TOP2B: variants seen among roughly 807,000 people sequenced by gnomAD.
TOP2B encodes the protein DNA topoisomerase 2-beta.
In TOP2B, 51 loss-of-function variants were observed where a neutral mutation model predicts 193.5. The ratio of observed to expected loss-of-function variants is 0.26; its 90% CI spans 0.21 to 0.33. The LOEUF (loss-of-function observed/expected upper bound fraction) is 0.33, where lower values mean the gene tolerates loss of function less well. Ranked by LOEUF, TOP2B falls within the 10% of genes least tolerant of loss-of-function variation. The probability of loss-of-function intolerance (pLI) is 1.00; values close to 1 mark genes in which losing one functional copy is unlikely to be tolerated. For missense variants in TOP2B, 1,378 were observed against 1,909.3 expected (o/e 0.72, Z 5.19); for synonymous variants, 634 against 635.7 (o/e 1.00, Z 0.04).
chr3:25,659,915 A>C (rs1703859719), intron 1 of TOP2B, among the ~76,000 whole-genome samples: 1 of 152,214 alleles, frequency 6.6e-6, no homozygotes, highest in Non-Finnish European at 1.5e-5. Context: ...TTTGTTACCT[A>C]ATCTCTAAAC....
At chr3:25,623,964 T>G (rs1702729982) in intron 20 of TOP2B, among the ~76,000 whole-genome samples, 1 of 152,212 alleles carries the variant, frequency 6.6e-6, no homozygotes, top group Non-Finnish European at 1.5e-5. Flanking sequence ...ATAGTCCTAT[T>G]TTACTTATGT....
At chr3:25,664,129 G>A (rs991686413) in intron 1 of TOP2B, 100 bp downstream of exon 1, 4 of 1,499,614 alleles carry the variant, frequency 2.7e-6, no homozygotes, top group African/African-American at 1.4e-5. Flanking sequence ...TTCGGGGGAC[G>A]GGATTTCCCT....
intron 33 of TOP2B, among the ~76,000 whole-genome samples, chr3:25,603,392 G>A (rs1177696440): frequency 2.6e-5 from 4 of 151,906 alleles, no homozygotes; most frequent in Non-Finnish European, 5.9e-5. Flanking sequence ...GCATGCATAC[G>A]CCACCACACC....
chr3:25,610,915 T>C lies in TOP2B; in HGVS notation c.3787-1203A>G, dbSNP rs569851912. Among the ~76,000 whole-genome samples the C allele has an allele frequency of 5.9e-5, 9 of 152,316 alleles. No homozygotes were observed. The South Asian group carries it at 1.7e-3, about 28-fold the overall frequency. On this transcript the variant is annotated intron_variant, in intron 28 of 35. Transcript: ENST00000264331. ...TAAGGGGGTGGATTTTGGAATTACT[T>C]AGTAGGCAGTCAATAGGACTTAGTT...
chr3:25,615,545 A>G lies in TOP2B; in HGVS notation c.3393T>C (p.Ser1131=). 6.3e-7 allele frequency: 1 copy of G among 1,575,030 alleles called. No individual in the cohort carries two copies. Among genetic ancestry groups the G allele is most frequent in the Non-Finnish European group, 8.6e-7 (1 of 1,160,138 alleles). The change falls in exon 26 of 36, where the codon AGT becomes AGC. Residue 1131 remains serine, a synonymous_variant. Transcript: ENST00000264331. The stretch of plus-strand genomic sequence containing the variant: ...CTGAAGGAGTTCCTGAATCGGAGGA[A>G]CTATCATCATGCTGGTTTTGTGTTT... ...EDETQNQHDD[S]SSDSGTPSGP...
Position 25,618,805 on chromosome 3 carries a change from C to T in TOP2B, c.3108G>A (p.Val1036=), listed in dbSNP as rs762676704. The part of the protein sequence containing the change: ...HMGCLKKYET[V]QDILKEFFDL... ...CAAAGAATTCTTTCAGAATGTCTTG[C>T]ACAGTTTCATATTTCTTCAGACATC... Residue 1036 remains valine, a synonymous_variant, in exon 24 of 36, where the codon GTG becomes GTA. Coordinates refer to ENST00000264331, the MANE Select transcript of TOP2B (RefSeq NM_001330700.2). 1 of 1,610,262 alleles carries T rather than the reference C, an allele frequency of 6.2e-7. No homozygotes were observed. The highest frequency in any genetic ancestry group is 1.3e-5 in the African/African-American group (1 of 74,976).
At chr3:25,663,562 G>A (rs1036188188) in intron 1 of TOP2B, among the ~76,000 whole-genome samples, 4 of 152,006 alleles carry the variant, frequency 2.6e-5, no homozygotes, top group Non-Finnish European at 4.4e-5. Flanking sequence ...ACCTCTCCAG[G>A]ACATCCATTC....
intron 1 of TOP2B, among the ~76,000 whole-genome samples, chr3:25,651,864 CAA>C (rs753903605): frequency 1.8e-4 from 16 of 89,954 alleles, no homozygotes; most frequent in Non-Finnish European, 2.1e-4. Flanking sequence ...GATTGTGTCT[CAA>C]AAAAAAAAAA....
chr3:25,640,644 T>C (rs991703904), intron 4 of TOP2B, among the ~76,000 whole-genome samples: 6 of 152,044 alleles, frequency 3.9e-5, no homozygotes, highest in Non-Finnish European at 2.9e-5. Context: ...TTACTAGAAT[T>C]ATGTTGAATT....
intron 15 of TOP2B, among the ~76,000 whole-genome samples, chr3:25,627,549 T>A (rs925900774): frequency 3.9e-5 from 6 of 152,000 alleles, no homozygotes; most frequent in Admixed American, 3.3e-4. Flanking sequence ...GATTTAACCA[T>A]CAGTTAACAG....
intron 34 of TOP2B, 53 bp downstream of exon 34, chr3:25,601,047 C>A: frequency 6.4e-7 from 1 of 1,562,500 alleles, no homozygotes; most frequent in South Asian, 1.2e-5. Context: ...AGAAAAAATT[C>A]AATCTTTTCC....
At position 25,664,566 on chromosome 3, in the gene TOP2B, G is replaced by GGCGGCGGCCGA. The variant is rs919071785; in HGVS notation, c.-280_-270dup. 1.2e-5 allele frequency: 13 copies of GGCGGCGGCCGA among 1,069,464 alleles called. No individual in the cohort carries two copies. In the African/African-American group the frequency reaches 2.2e-4, roughly 18 times the overall value. The allele number at this position is 1,069,464 out of a possible 1,614,324, so 66.2% of individuals were successfully genotyped here. A position where few individuals can be genotyped will look rare whatever the true frequency, so the allele number is the denominator to read the frequency against. On this transcript the variant is annotated 5_prime_UTR_variant, in exon 1 of 36. Coordinates refer to ENST00000264331, the MANE Select transcript of TOP2B (RefSeq NM_001330700.2). ...GCTGAGGAGAAAGCAGGGAGCGACC[G>GGCGGCGGCCGA]GCGGCGGCCGAGCGGCGGCGTTGCC...
intron 15 of TOP2B, among the ~76,000 whole-genome samples, chr3:25,628,171 TAAAAAA>T (rs11444499): frequency 3.8e-5 from 5 of 130,170 alleles, no homozygotes; most frequent in Admixed American, 2.3e-4. Flanking sequence ...TAACATTATT[TAAAAAA>T]AAAAAAAAAA....
Position 25,630,937 on chromosome 3 carries a change from G to A in TOP2B, c.1269C>T (p.Ala423=), listed in dbSNP as rs1259601492. 3.8e-6 allele frequency: 6 copies of A among 1,580,898 alleles called. No individual in the cohort carries two copies. Among genetic ancestry groups the A allele is most frequent in the Non-Finnish European group, 5.1e-6 (6 of 1,168,880 alleles). The change falls in exon 11 of 36, where the codon GCC becomes GCT. Residue 423 remains alanine, a splice_region_variant and synonymous_variant. Transcript: ENST00000264331. The part of the protein sequence containing the change: ...CQLSEKFFKA[A]SNCGIVESIL... Reference sequence around the variant, plus strand: ...TACTTTCTACAATGCCACAATTAGAGGCCTAAAAATAAAAGAATAATGGTA... The same window carrying A: ...TACTTTCTACAATGCCACAATTAGAAGCCTAAAAATAAAAGAATAATGGTA...
chr3:25,659,709 T>C (rs1703853764), intron 1 of TOP2B, among the ~76,000 whole-genome samples: 2 of 152,236 alleles, frequency 1.3e-5, no homozygotes, highest in Admixed American at 1.3e-4. Context: ...AATATACTCC[T>C]TAGCTTTTTG....
rs1229498309 is a variant in TOP2B at position 25,598,399 on chromosome 3, G to C, written c.4789C>G (p.Leu1597Val). 1.2e-6 allele frequency: 2 copies of C among 1,613,636 alleles called. No individual in the cohort carries two copies. The highest frequency in any genetic ancestry group is 8.5e-7 in the Non-Finnish European group (1 of 1,179,664). Residue 1597 changes from leucine (L) to valine (V), a missense_variant, in exon 36 of 36, where the codon CTG becomes GTG. Physicochemically the swap from Leu to Val is conservative, Grantham distance 32 (BLOSUM62 1). Transcript: ENST00000264331. Reference sequence around the variant, plus strand: ...TTCCTAGCCCGACCGGTTCGTGGCAGAGAAGGTGGCTCAGTAGGGAAGTCT... The same window carrying C: ...TTCCTAGCCCGACCGGTTCGTGGCACAGAAGGTGGCTCAGTAGGGAAGTCT... ...PSDFPTEPPSLPRTGRARKEV... is the reference protein window; with the variant it reads ...PSDFPTEPPSVPRTGRARKEV...
rs968420858 is a variant in TOP2B at position 25,636,039 on chromosome 3, T to C, written c.749A>G (p.Glu250Gly). Residue 250 changes from glutamate (E) to glycine (G), a missense_variant, in exon 7 of 36, where the codon GAA (glutamate) becomes GGA (glycine). Coordinates refer to ENST00000264331, the MANE Select transcript of TOP2B (RefSeq NM_001330700.2). ...GGCCACAATATCCTTGTCAAGTTTT[T>C]CCATCTTAAATTTGGACAGATCTGG... ...FQPDLSKFKM[E>G]KLDKDIVALM... 1 of 1,613,508 alleles carries C rather than the reference T, an allele frequency of 6.2e-7. No homozygotes were observed. The highest frequency in any genetic ancestry group is 8.5e-7 in the Non-Finnish European group (1 of 1,179,584).
intron 28 of TOP2B, 85 bp from the exon 29 acceptor site, chr3:25,609,797 C>T: frequency 1.5e-6 from 2 of 1,316,864 alleles, no homozygotes; most frequent in South Asian, 3.5e-5. Context: ...CAGATAGCGC[C>T]TTCAAATCAG....
At chr3:25,600,628 AGGG>A (rs1702067001) in intron 34 of TOP2B, among the ~76,000 whole-genome samples, 1 of 152,226 alleles carries the variant, frequency 6.6e-6, no homozygotes, top group Non-Finnish European at 1.5e-5. Context: ...AACATCTTCA[AGGG>A]CTTTCCAGAT....
Sources: gnomAD v4.1 joint callset for allele counts (sites outside exome capture counted in the v4.1 genomes callset) on GRCh38, gnomAD v4.1.1 for gene constraint, MANE v1.5 for transcripts, NCBI Gene and HGNC (gene_info 2026-07-23, HGNC 2026-07-21) for gene names.